ATP10A: variants seen among roughly 807,000 people sequenced by gnomAD.
ATP10A encodes phospholipid-transporting ATPase VA.
ATP10A carries 111 observed loss-of-function variants against 147.8 expected under a neutral mutation model. The observed-to-expected ratio is 0.75, with a 90% CI of 0.64 to 0.88. The LOEUF (loss-of-function observed/expected upper bound fraction) is 0.88, where lower values mean the gene tolerates loss of function less well. Ranked by LOEUF, ATP10A falls within the 40% of genes least tolerant of loss-of-function variation. The probability of loss-of-function intolerance (pLI) is 0.00; values close to 1 mark genes in which losing one functional copy is unlikely to be tolerated. For missense variants in ATP10A, 1,927 were observed against 1,959.0 expected, an observed-to-expected ratio of 0.98 and a Z score of 0.31; for synonymous variants, 875 against 841.6, an observed-to-expected ratio of 1.04 and a Z score of -0.69.
intron 2 of ATP10A, among the ~76,000 whole-genome samples, chr15:25,762,082 G>T (rs186863530): frequency 0.017 from 2,546 of 152,220 alleles, 31 homozygotes; most frequent in Middle Eastern, 0.044. Context: ...TGCTGTTCTC[G>T]TGACAGTGAG....
At chr15:25,799,841 A>G (rs1006797955) in intron 1 of ATP10A, among the ~76,000 whole-genome samples, 1 of 152,246 alleles carries the variant, frequency 6.6e-6, no homozygotes, top group African/African-American at 2.4e-5. Flanking sequence ...TGAAGTATTT[A>G]TCAACTGGTA....
chr15:25,813,205 A>G (rs983619913), intron 1 of ATP10A, among the ~76,000 whole-genome samples: 1 of 152,236 alleles, frequency 6.6e-6, no homozygotes, highest in Non-Finnish European at 1.5e-5. Flanking sequence ...AGGAAAGTTT[A>G]TCTGGAGCTC....
chr15:25,744,802 C>T (rs1887756022), intron 2 of ATP10A, among the ~76,000 whole-genome samples: 1 of 151,932 alleles, frequency 6.6e-6, no homozygotes, highest in Non-Finnish European at 1.5e-5. Context: ...AGGGAAGAAA[C>T]CATAAAGGAT....
At chr15:25,717,497 G>C (rs1422584025) in intron 8 of ATP10A, among the ~76,000 whole-genome samples, 1 of 152,146 alleles carries the variant, frequency 6.6e-6, no homozygotes, top group Non-Finnish European at 1.5e-5. Context: ...AGGAAACCTT[G>C]TTCCAGTGCA....
intron 2 of ATP10A, among the ~76,000 whole-genome samples, chr15:25,744,046 AG>A (rs2140521628): frequency 6.6e-6 from 1 of 152,208 alleles, no homozygotes; most frequent in South Asian, 2.1e-4. Flanking sequence ...CTACCAAGAG[AG>A]GGGCCTGATA....
intron 1 of ATP10A, among the ~76,000 whole-genome samples, chr15:25,794,080 T>C (rs1890553448): frequency 6.6e-6 from 1 of 152,234 alleles, no homozygotes; most frequent in Non-Finnish European, 1.5e-5. Flanking sequence ...ATTCTGAAGA[T>C]GAAAAGGCTT....
intron 17 of ATP10A, 65 bp from the exon 18 acceptor site, chr15:25,681,139 G>C: frequency 1.3e-6 from 2 of 1,497,174 alleles, no homozygotes; most frequent in Non-Finnish European, 1.8e-6. Context: ...AAAGCAGTTA[G>C]AATAAAAATG....
At chr15:25,778,464 CA>C (rs1218026303) in intron 2 of ATP10A, among the ~76,000 whole-genome samples, 3 of 145,036 alleles carry the variant, frequency 2.1e-5, no homozygotes, top group African/African-American at 7.8e-5. Context: ...ATTTGGATAC[CA>C]AAAAAATGTC....
intron 2 of ATP10A, among the ~76,000 whole-genome samples, chr15:25,745,278 A>G (rs6576452): frequency 0.45 from 67,913 of 151,856 alleles, 15,472 homozygotes; most frequent in East Asian, 0.61. Context: ...GCTTGAACCC[A>G]GGAGGCGGAG....
chr15:25,796,204 C>T (rs903874527), intron 1 of ATP10A, among the ~76,000 whole-genome samples: 5 of 152,164 alleles, frequency 3.3e-5, no homozygotes, highest in Non-Finnish European at 7.4e-5. Flanking sequence ...TGGGAGGCCA[C>T]GGTGGGAGGA....
Position 25,727,060 on chromosome 15 carries a change from A to AAAAC in ATP10A, c.847+99_847+100insGTTT, listed in dbSNP as rs796610088. On this transcript the variant is annotated intron_variant, in intron 4 of 20. Transcript: ENST00000555815. ...CGACAGTGCGAGACTCGTCTCAAAAAAAAAAAATGAAAAAGAAAAAAGAAA... is the reference window on the plus strand; with the variant it reads ...CGACAGTGCGAGACTCGTCTCAAAAAAAACAAAAAAATGAAAAAGAAAAAAGAAA... The AAAAC allele has an allele frequency of 7.7e-6, 8 of 1,044,868 alleles. 1 individual carries two copies. The highest frequency in any genetic ancestry group is 1.1e-5 in the Non-Finnish European group (8 of 712,792). The allele number at this position is 1,044,868 out of a possible 1,614,324, so 64.7% of individuals were successfully genotyped here.
At chr15:25,716,586 A>T in intron 9 of ATP10A, 144 bp downstream of exon 9, 1 of 746,368 alleles carries the variant, frequency 1.3e-6, no homozygotes, top group Non-Finnish European at 2.1e-6. Flanking sequence ...AGTATGAAGC[A>T]CCCCACCGCA....
chr15:25,816,411 A>G (rs1891656468), intron 1 of ATP10A, among the ~76,000 whole-genome samples: 1 of 151,306 alleles, frequency 6.6e-6, no homozygotes, highest in Non-Finnish European at 1.5e-5. Flanking sequence ...AATATGGAAA[A>G]CCAAATGAAA....
At chr15:25,825,370 G>A (rs1198859486) in intron 1 of ATP10A, among the ~76,000 whole-genome samples, 2 of 152,120 alleles carry the variant, frequency 1.3e-5, no homozygotes, top group Non-Finnish European at 2.9e-5. Context: ...GAATCTCTAA[G>A]ACCACACCCA....
At chr15:25,783,670 G>A (rs552774438) in intron 1 of ATP10A, among the ~76,000 whole-genome samples, 3 of 152,226 alleles carry the variant, frequency 2.0e-5, no homozygotes, top group East Asian at 3.8e-4. Flanking sequence ...TAGATGATGC[G>A]GTTCTGACCT....
intron 2 of ATP10A, among the ~76,000 whole-genome samples, chr15:25,750,391 C>G (rs1200554401): frequency 6.6e-6 from 1 of 151,770 alleles, no homozygotes; most frequent in African/African-American, 2.4e-5. Context: ...GATGTTTGCA[C>G]ATATACAAAA....
At chr15:25,829,745 G>C (rs865785611) in intron 1 of ATP10A, among the ~76,000 whole-genome samples, 6 of 152,146 alleles carry the variant, frequency 3.9e-5, no homozygotes, top group Non-Finnish European at 4.4e-5. Context: ...TCTAAGGCAC[G>C]GCTCGCTCTG....
At chr15:25,767,205 G>A (rs1010089022) in intron 2 of ATP10A, among the ~76,000 whole-genome samples, 7 of 152,178 alleles carry the variant, frequency 4.6e-5, no homozygotes, top group Admixed American at 2.6e-4. Context: ...CTGCAATTTT[G>A]GTGCATCATT....
intron 3 of ATP10A, 91 bp from the exon 4 acceptor site, chr15:25,727,357 A>C: frequency 8.5e-7 from 1 of 1,178,978 alleles, no homozygotes; most frequent in Non-Finnish European, 1.3e-6. Flanking sequence ...AGGCCCTGAC[A>C]CAATGAAAGC....
Sources: allele counts gnomAD v4.1 joint callset (sites outside exome capture counted in the v4.1 genomes callset), GRCh38; gene constraint gnomAD v4.1.1; transcripts MANE v1.5; gene names NCBI Gene and HGNC (gene_info 2026-07-23, HGNC 2026-07-21).